Variants in NCKAP5 observed in about 807,000 individuals in gnomAD.
NCKAP5 encodes NCK associated protein 5.
Under a neutral mutation model 167.0 loss-of-function variants are expected in NCKAP5, and 92 were observed. The observed-to-expected ratio is 0.55, with a 90% CI of 0.47 to 0.66. The LOEUF is 0.66. Among genes scored for constraint, NCKAP5 ranks in the 30% least tolerant of loss-of-function variants. The pLI, the probability that NCKAP5 is intolerant of heterozygous loss-of-function variation, is 0.00. For synonymous variants in NCKAP5, 891 were observed against 877.4 expected (o/e 1.02, Z -0.27); for missense variants, 2,378 against 2,315.0 (o/e 1.03, Z -0.56).
intron 3 of NCKAP5, among the ~76,000 whole-genome samples, chr2:133,384,081 T>G (rs1049750295): frequency 6.6e-6 from 1 of 152,212 alleles, no homozygotes; most frequent in African/African-American, 2.4e-5. Context: ...TTTGTCAATT[T>G]TGACTTTTGT....
At chr2:132,963,576 C>A in intron 8 of NCKAP5, 144 bp downstream of exon 8, 3 of 892,248 alleles carry the variant, frequency 3.4e-6, no homozygotes, top group Non-Finnish European at 3.3e-6. Flanking sequence ...TCATTGTAGA[C>A]AAATCTCAGC....
chr2:133,396,973 T>A (rs549251909), intron 3 of NCKAP5, among the ~76,000 whole-genome samples: 1 of 152,342 alleles, frequency 6.6e-6, no homozygotes, highest in African/African-American at 2.4e-5. Context: ...TAATGCAGAA[T>A]GGTGTGAAGA....
At chr2:132,706,649 C>T (rs1010601953) in intron 19 of NCKAP5, among the ~76,000 whole-genome samples, 1 of 152,016 alleles carries the variant, frequency 6.6e-6, no homozygotes, top group African/African-American at 2.4e-5. Context: ...GCTGACCTCC[C>T]TAGATGGGAT....
chr2:133,226,604 AACACACACAC>A (rs3051222), intron 4 of NCKAP5, among the ~76,000 whole-genome samples: 46 of 139,182 alleles, frequency 3.3e-4, no homozygotes, highest in Non-Finnish European at 5.7e-4. Flanking sequence ...TTTGAAGATA[AACACACACAC>A]ACACACACAC....
At chr2:132,912,043 G>A (rs1421636631) in intron 8 of NCKAP5, among the ~76,000 whole-genome samples, 1 of 152,188 alleles carries the variant, frequency 6.6e-6, no homozygotes, top group African/African-American at 2.4e-5. Flanking sequence ...GTGAAAGAGT[G>A]GTGTTAGAAA....
At chr2:133,611,468 C>T in the NCKAP5 span, among the ~76,000 whole-genome samples, 1 of 152,160 alleles carries the variant, frequency 6.6e-6, no homozygotes, top group African/African-American at 2.4e-5. Flanking sequence ...TCATGAGCCT[C>T]TCAATTTCCC....
At chr2:133,582,979 T>C in the NCKAP5 span, among the ~76,000 whole-genome samples, 1 of 152,212 alleles carries the variant, frequency 6.6e-6, no homozygotes, top group African/African-American at 2.4e-5. Flanking sequence ...TCTGAGGTCA[T>C]GTTGACCCAG....
chr2:133,395,476 G>A (rs73957082), intron 3 of NCKAP5, among the ~76,000 whole-genome samples: 1,882 of 152,246 alleles, frequency 0.012, 45 homozygotes, highest in African/African-American at 0.042. Flanking sequence ...ACGTGCAGGA[G>A]AGACCTCCTT....
chr2:132,751,796 G>A (rs1394550272), intron 16 of NCKAP5, among the ~76,000 whole-genome samples: 5 of 152,162 alleles, frequency 3.3e-5, no homozygotes, highest in Non-Finnish European at 5.9e-5. Context: ...TTTTCACACC[G>A]TGCATAGTGG....
At chr2:133,459,818 G>A (rs886990162) in intron 3 of NCKAP5, among the ~76,000 whole-genome samples, 10 of 152,264 alleles carry the variant, frequency 6.6e-5, no homozygotes, top group Admixed American at 1.3e-4. Context: ...CTGTTCAGGC[G>A]TGGGAAGCAC....
At chr2:132,678,644 T>C (rs1684809948) in intron 19 of NCKAP5, among the ~76,000 whole-genome samples, 1 of 152,222 alleles carries the variant, frequency 6.6e-6, no homozygotes, top group Admixed American at 6.5e-5. Context: ...ATACCTCATT[T>C]AATCCTGACA....
chr2:133,272,757 C>G (rs933895085), intron 4 of NCKAP5, among the ~76,000 whole-genome samples: 2 of 152,168 alleles, frequency 1.3e-5, no homozygotes, highest in South Asian at 2.1e-4. Context: ...TGCTTTCTAT[C>G]CCTGTAGAAT....
At chr2:133,623,465 C>T in the NCKAP5 span, among the ~76,000 whole-genome samples, 1 of 151,938 alleles carries the variant, frequency 6.6e-6, no homozygotes, top group East Asian at 1.9e-4. Flanking sequence ...AAAAATCAAA[C>T]AATCCCATCA....
chr2:132,862,017 A>G lies in NCKAP5; in HGVS notation c.688-1406T>C, dbSNP rs951913688. Among the ~76,000 whole-genome samples the G allele has an allele frequency of 2.6e-5, 4 of 152,212 alleles. No individual in the cohort carries two copies. In the South Asian group the frequency reaches 8.3e-4, roughly 31 times the overall value. Reference sequence around the variant, plus strand: ...ATTCTATTCACTAGTGATTGGTGTGATAAAGAGCGTTTAAGTTTCTCAACA... The same window carrying G: ...ATTCTATTCACTAGTGATTGGTGTGGTAAAGAGCGTTTAAGTTTCTCAACA... On this transcript the variant is annotated intron_variant, in intron 10 of 19. Coordinates refer to ENST00000409261, the MANE Select transcript of NCKAP5 (RefSeq NM_207363.3).
At chr2:133,105,310 G>A (rs1043922611) in intron 6 of NCKAP5, among the ~76,000 whole-genome samples, 2 of 152,074 alleles carry the variant, frequency 1.3e-5, no homozygotes, top group African/African-American at 4.8e-5. Context: ...ATTTGCTAAG[G>A]GACATTACTT....
At chr2:133,624,061 C>T in the NCKAP5 span, among the ~76,000 whole-genome samples, 4 of 152,048 alleles carry the variant, frequency 2.6e-5, no homozygotes, top group African/African-American at 9.7e-5. Context: ...GGTTCTCACT[C>T]ATGCGTGGGA....
At chr2:132,759,568 C>G (rs552609799) in intron 16 of NCKAP5, among the ~76,000 whole-genome samples, 3 of 152,108 alleles carry the variant, frequency 2.0e-5, no homozygotes, top group African/African-American at 7.2e-5. Flanking sequence ...ACTCCCAAAT[C>G]GATTTCATGA....
chr2:132,918,701 A>T (rs1167118784), intron 8 of NCKAP5, among the ~76,000 whole-genome samples: 6 of 152,360 alleles, frequency 3.9e-5, no homozygotes, highest in Non-Finnish European at 7.3e-5. Context: ...AAAGACAATA[A>T]AACACAAGTG....
chr2:133,158,944 C>G (rs891070224), intron 5 of NCKAP5, among the ~76,000 whole-genome samples: 11 of 121,480 alleles, frequency 9.1e-5, no homozygotes, highest in Admixed American at 3.6e-4. Flanking sequence ...GATAGAACAA[C>G]AGCCTACCAA....
Sources: allele counts gnomAD v4.1 joint callset (sites outside exome capture counted in the v4.1 genomes callset), GRCh38; gene constraint gnomAD v4.1.1; transcripts MANE v1.5; gene names NCBI Gene and HGNC (gene_info 2026-07-23, HGNC 2026-07-21).